The following WDFY2 variants were observed in gnomAD, a reference collection of about 807,000 sequenced individuals.
The protein encoded by WDFY2 is WD repeat and FYVE domain-containing protein 2.
A neutral mutation model predicts 56.4 loss-of-function variants in WDFY2; 36 were observed. The ratio of observed to expected loss-of-function variants is 0.64; its 90% CI spans 0.49 to 0.84. The LOEUF (loss-of-function observed/expected upper bound fraction) is 0.84. Among genes scored for constraint, WDFY2 ranks in the 40% least tolerant of loss-of-function variants. WDFY2 has a pLI of 0.00. For synonymous variants in WDFY2, 176 were observed against 183.7 expected, an observed-to-expected ratio of 0.96 and a Z score of 0.34; for missense variants, 444 against 512.2, an observed-to-expected ratio of 0.87 and a Z score of 1.29.
intron 1 of WDFY2, among the ~76,000 whole-genome samples, chr13:51,613,784 C>T (rs1430670670): frequency 6.6e-6 from 1 of 152,094 alleles, no homozygotes; most frequent in Admixed American, 6.5e-5. Context: ...CAAGTTAGCA[C>T]AGGTGACACC....
intron 6 of WDFY2, among the ~76,000 whole-genome samples, chr13:51,737,680 T>C (rs1290557050): frequency 2.0e-5 from 3 of 151,988 alleles, no homozygotes; most frequent in Non-Finnish European, 2.9e-5. Flanking sequence ...ATTATCTTTA[T>C]GTTTGCATTC....
chr13:51,660,675 A>C lies in WDFY2; in HGVS notation c.205+12A>C. On this transcript the variant is annotated intron_variant, in intron 2 of 11. Transcript: ENST00000298125. ...CCATGCAATGCCTTGTAAGTATCCAAATCGCTGTCTTGAAAAACCAGACAT... is the reference window on the plus strand; with the variant it reads ...CCATGCAATGCCTTGTAAGTATCCACATCGCTGTCTTGAAAAACCAGACAT... The C allele has an allele frequency of 2.5e-6, 4 of 1,612,972 alleles. No individual in the cohort carries two copies. The highest frequency in any genetic ancestry group is 3.4e-6 in the Non-Finnish European group (4 of 1,179,272).
chr13:51,635,257 C>T (rs958027924), intron 1 of WDFY2, among the ~76,000 whole-genome samples: 3 of 152,228 alleles, frequency 2.0e-5, no homozygotes, highest in African/African-American at 4.8e-5. Flanking sequence ...AAGTCCTAAA[C>T]CTTTTAAATG....
At chr13:51,630,524 T>C (rs1954933038) in intron 1 of WDFY2, among the ~76,000 whole-genome samples, 1 of 151,964 alleles carries the variant, frequency 6.6e-6, no homozygotes, top group African/African-American at 2.4e-5. Flanking sequence ...TCTTTCTTTA[T>C]GCATACTTTT....
intron 2 of WDFY2, among the ~76,000 whole-genome samples, chr13:51,663,134 C>T (rs919916117): frequency 6.6e-6 from 1 of 152,156 alleles, no homozygotes; most frequent in African/African-American, 2.4e-5. Context: ...CCACCTCTCT[C>T]TCTCTGTCTC....
intron 1 of WDFY2, among the ~76,000 whole-genome samples, chr13:51,645,454 A>C (rs1007751093): frequency 1.2e-4 from 18 of 152,194 alleles, no homozygotes; most frequent in African/African-American, 3.6e-4. Context: ...GCCTGATTTC[A>C]ACATGGGTAG....
intron 1 of WDFY2, chr13:51,586,112 A>G (rs1192912869): frequency 1.0e-5 from 4 of 398,438 alleles, no homozygotes; most frequent in Non-Finnish European, 1.8e-5. Context: ...GAGTACATGG[A>G]TGTAGGACCC....
At chr13:51,613,302 C>G (rs935481728) in intron 1 of WDFY2, among the ~76,000 whole-genome samples, 3 of 152,192 alleles carry the variant, frequency 2.0e-5, no homozygotes, top group Non-Finnish European at 4.4e-5. Context: ...CTTTCCCAAG[C>G]TGAAATGACT....
intron 1 of WDFY2, among the ~76,000 whole-genome samples, chr13:51,634,704 C>A (rs1955012799): frequency 6.6e-6 from 1 of 151,650 alleles, no homozygotes; most frequent in East Asian, 1.9e-4. Flanking sequence ...TTGGAAAAGG[C>A]TGTTTTTTTT....
intron 4 of WDFY2, among the ~76,000 whole-genome samples, chr13:51,709,732 T>G (rs1230178199): frequency 6.6e-6 from 1 of 151,888 alleles, no homozygotes; most frequent in East Asian, 1.9e-4. Context: ...AAGACTAAAC[T>G]AGGAAGAAGT....
At chr13:51,635,058 C>A (rs945617450) in intron 1 of WDFY2, among the ~76,000 whole-genome samples, 5 of 152,172 alleles carry the variant, frequency 3.3e-5, no homozygotes, top group South Asian at 2.1e-4. Flanking sequence ...CCTGCCTCAG[C>A]CTCCCGAGTA....
At chr13:51,751,538 C>A in intron 8 of WDFY2, 123 bp downstream of exon 8, 1 of 941,216 alleles carries the variant, frequency 1.1e-6, no homozygotes, top group Non-Finnish European at 1.6e-6. Flanking sequence ...AGAATTGTAG[C>A]ATAAAAGGAG....
intron 1 of WDFY2, among the ~76,000 whole-genome samples, chr13:51,642,676 C>CTTTTT (rs999605077): frequency 5.4e-4 from 56 of 103,072 alleles, no homozygotes; most frequent in Non-Finnish European, 6.4e-4. Context: ...GGGCATCTGT[C>CTTTTT]TTTTTTTTTT....
At chr13:51,608,064 C>T (rs935927665) in intron 1 of WDFY2, among the ~76,000 whole-genome samples, 1 of 152,170 alleles carries the variant, frequency 6.6e-6, no homozygotes, top group Admixed American at 6.5e-5. Flanking sequence ...TCCCTAAGTG[C>T]CTCCAGAGGA....
At chr13:51,672,026 C>T (rs1371344662) in intron 2 of WDFY2, among the ~76,000 whole-genome samples, 4 of 152,042 alleles carry the variant, frequency 2.6e-5, no homozygotes, top group East Asian at 3.9e-4. Flanking sequence ...TCAAGTGATC[C>T]GTCCATCTCA....
At chr13:51,640,806 C>T (rs930221213) in intron 1 of WDFY2, among the ~76,000 whole-genome samples, 2 of 150,546 alleles carry the variant, frequency 1.3e-5, no homozygotes, top group African/African-American at 5.0e-5. Flanking sequence ...GCTGAGATCA[C>T]GCCATTGCAC....
chr13:51,697,531 G>A (rs1026066786), intron 3 of WDFY2, among the ~76,000 whole-genome samples: 1 of 151,928 alleles, frequency 6.6e-6, no homozygotes, highest in Non-Finnish European at 1.5e-5. Context: ...TACTCAGGAG[G>A]CTGAGGTGGG....
At chr13:51,603,876 A>C (rs1194023238) in intron 1 of WDFY2, among the ~76,000 whole-genome samples, 1 of 152,232 alleles carries the variant, frequency 6.6e-6, no homozygotes. Flanking sequence ...CAGGTAACAT[A>C]AATGAGTAAA....
intron 8 of WDFY2, among the ~76,000 whole-genome samples, chr13:51,753,645 AT>A (rs1953288998): frequency 1.3e-5 from 2 of 151,936 alleles, no homozygotes; most frequent in African/African-American, 4.8e-5. Context: ...ATGCTGATTT[AT>A]TTTTTCCCCT....
Sources: gnomAD v4.1 joint callset for allele counts (sites outside exome capture counted in the v4.1 genomes callset) on GRCh38, gnomAD v4.1.1 for gene constraint, MANE v1.5 for transcripts, NCBI Gene and HGNC (gene_info 2026-07-23, HGNC 2026-07-21) for gene names.